Variants in ZNF804A observed in about 807,000 individuals in gnomAD.
The protein encoded by ZNF804A is zinc finger protein 804A.
ZNF804A carries 2 observed loss-of-function variants against 16.5 expected under a neutral mutation model. That is an observed-to-expected ratio of 0.12 (90% CI 0.05 to 0.38). The LOEUF (loss-of-function observed/expected upper bound fraction) is 0.38, where lower values mean the gene tolerates loss of function less well. Among genes scored for constraint, ZNF804A ranks in the 10% least tolerant of loss-of-function variants. ZNF804A has a pLI of 0.99. For missense variants in ZNF804A, 1,473 were observed against 1,390.7 expected (o/e 1.06, Z -0.94); for synonymous variants, 534 against 489.6 (o/e 1.09, Z -1.20).
chr2:184,887,705 A>G (rs555527621), intron 2 of ZNF804A, among the ~76,000 whole-genome samples: 1 of 152,302 alleles, frequency 6.6e-6, no homozygotes, highest in African/African-American at 2.4e-5. Flanking sequence ...CTTATTCACT[A>G]TCACAAGAAC....
In ZNF804A at chr2:184,938,712, CACGCTGCAGCTGCTGCAGCTG is replaced by C. The variant is rs755588064; in HGVS notation, c.3317_3337del (p.His1106_Ala1113delinsPro). 1.9e-6 allele frequency: 3 copies of C among 1,613,176 alleles called. No homozygotes were observed. The highest frequency in any genetic ancestry group is 2.5e-6 in the Non-Finnish European group (3 of 1,179,554). On this transcript the variant is annotated inframe_deletion, in exon 4 of 4. Transcript: ENST00000302277. ...TATCCATCACACTGTTTTGCAGCAG[CACGCTGCAGCTGCTGCAGCTG>C]CAGCTGCAGCCGCAGCTGCAGGAAC...
intron 1 of ZNF804A, among the ~76,000 whole-genome samples, chr2:184,768,426 CT>C (rs1385177329): frequency 7.2e-5 from 11 of 151,918 alleles, no homozygotes; most frequent in African/African-American, 2.7e-4. Flanking sequence ...CTTTGAAGAT[CT>C]GTAATTTGGA....
In ZNF804A at chr2:184,598,627, G is replaced by C. The variant is rs1690990326; in HGVS notation, c.-333G>C. ...CGCAGCCCCGCTCCGCCCGGCCACC[G>C]CGCGGGCACTGACTCCCGCTCGGTT... is the stretch of plus-strand genomic sequence containing the variant. On this transcript the variant is annotated 5_prime_UTR_variant, in exon 1 of 4. Coordinates refer to ENST00000302277, the MANE Select transcript of ZNF804A (RefSeq NM_194250.2). 1 of 178,204 alleles carries C rather than the reference G, an allele frequency of 5.6e-6. No homozygotes were observed. The allele number at this position is 178,204 out of a possible 1,614,324, so 11.0% of individuals were successfully genotyped here. A position where few individuals can be genotyped will look rare whatever the true frequency, so the allele number is the denominator to read the frequency against.
intron 1 of ZNF804A, among the ~76,000 whole-genome samples, chr2:184,831,386 G>T (rs1384506965): frequency 1.3e-5 from 2 of 151,776 alleles, no homozygotes; most frequent in East Asian, 3.9e-4. Flanking sequence ...ACTGATTGTT[G>T]ATTATGTTAT....
intron 2 of ZNF804A, among the ~76,000 whole-genome samples, chr2:184,877,835 A>T (rs1684733903): frequency 6.6e-6 from 1 of 152,132 alleles, no homozygotes; most frequent in African/African-American, 2.4e-5. Context: ...AGAATAGTGA[A>T]GTACATCTCC....
At chr2:184,753,779 G>T (rs1693912770) in intron 1 of ZNF804A, among the ~76,000 whole-genome samples, 1 of 151,800 alleles carries the variant, frequency 6.6e-6, no homozygotes, top group Non-Finnish European at 1.5e-5. Context: ...ATTATCACAG[G>T]AGCCTTCATG....
chr2:184,714,906 G>A (rs750266258), intron 1 of ZNF804A, among the ~76,000 whole-genome samples: 2 of 152,058 alleles, frequency 1.3e-5, no homozygotes, highest in Non-Finnish European at 2.9e-5. Context: ...AGGAAATCTG[G>A]CATTACTGCT....
At chr2:184,773,976 A>G (rs991056771) in intron 1 of ZNF804A, among the ~76,000 whole-genome samples, 25 of 152,008 alleles carry the variant, frequency 1.6e-4, no homozygotes, top group Admixed American at 1.1e-3. Flanking sequence ...TCATCTGCAC[A>G]TTGGGTTTGA....
intron 1 of ZNF804A, among the ~76,000 whole-genome samples, chr2:184,794,346 G>A (rs1036431691): frequency 2.0e-5 from 3 of 151,800 alleles, no homozygotes; most frequent in African/African-American, 2.4e-5. Flanking sequence ...TTTTTCATAC[G>A]TTTGTTGGCC....
At chr2:184,807,957 C>T (rs568286161) in intron 1 of ZNF804A, among the ~76,000 whole-genome samples, 4 of 151,436 alleles carry the variant, frequency 2.6e-5, no homozygotes, top group East Asian at 3.9e-4. Context: ...GGTTCTGAAC[C>T]GTAATCATAC....
intron 1 of ZNF804A, among the ~76,000 whole-genome samples, chr2:184,750,934 T>C (rs1693868432): frequency 6.6e-6 from 1 of 151,440 alleles, no homozygotes; most frequent in African/African-American, 2.4e-5. Flanking sequence ...ATGGAGTACT[T>C]GTGTTTCTAT....
At chr2:184,913,927 G>T (rs1344022416) in intron 2 of ZNF804A, among the ~76,000 whole-genome samples, 1 of 152,092 alleles carries the variant, frequency 6.6e-6, no homozygotes, top group African/African-American at 2.4e-5. Flanking sequence ...TTGGATTATG[G>T]ATTGTTTCCG....
intron 2 of ZNF804A, among the ~76,000 whole-genome samples, chr2:184,898,649 A>C (rs3931790): frequency 0.15 from 22,987 of 152,040 alleles, 2,248 homozygotes; most frequent in East Asian, 0.3. Flanking sequence ...TCTAGATTGA[A>C]TATAAGTGGC....
intron 1 of ZNF804A, among the ~76,000 whole-genome samples, chr2:184,646,796 C>A (rs186967099): frequency 2.0e-3 from 308 of 152,340 alleles, no homozygotes; most frequent in African/African-American, 7.0e-3. Context: ...AACCTCTGAG[C>A]GCTTGGTGGC....
intron 2 of ZNF804A, among the ~76,000 whole-genome samples, chr2:184,869,260 T>C (rs1463350769): frequency 6.6e-6 from 1 of 152,048 alleles, no homozygotes; most frequent in African/African-American, 2.4e-5. Context: ...ACAACTTGTA[T>C]GCAGTAAGTC....
At chr2:184,807,936 A>G (rs540846918) in intron 1 of ZNF804A, among the ~76,000 whole-genome samples, 42 of 151,808 alleles carry the variant, frequency 2.8e-4, no homozygotes, top group Non-Finnish European at 3.4e-4. Flanking sequence ...ATTAAATTTG[A>G]ATAATTATTT....
intron 1 of ZNF804A, among the ~76,000 whole-genome samples, chr2:184,734,328 CTG>C (rs1397947543): frequency 6.6e-6 from 1 of 152,118 alleles, no homozygotes; most frequent in Non-Finnish European, 1.5e-5. Context: ...CGTCTAAACA[CTG>C]TTTTTGCTAC....
chr2:184,612,454 G>T (rs1035370271), intron 1 of ZNF804A, among the ~76,000 whole-genome samples: 10 of 150,518 alleles, frequency 6.6e-5, no homozygotes, highest in African/African-American at 2.4e-4. Context: ...TTTTTTGGGG[G>T]GGGGACGGAG....
chr2:184,691,683 A>G (rs914570543), intron 1 of ZNF804A, among the ~76,000 whole-genome samples: 3 of 151,844 alleles, frequency 2.0e-5, no homozygotes, highest in Non-Finnish European at 2.9e-5. Context: ...TAGAATTAGC[A>G]TTTATTCATA....
Sources: gnomAD v4.1 joint callset for allele counts (sites outside exome capture counted in the v4.1 genomes callset) on GRCh38, gnomAD v4.1.1 for gene constraint, MANE v1.5 for transcripts, NCBI Gene and HGNC (gene_info 2026-07-23, HGNC 2026-07-21) for gene names.